Variants in SLC4A10 observed in about 807,000 individuals in gnomAD.
SLC4A10 encodes the protein solute carrier family 4 member 10.
Under a neutral mutation model 137.7 loss-of-function variants are expected in SLC4A10, and 42 were observed. That is an observed-to-expected ratio of 0.30 (90% CI 0.24 to 0.39). The LOEUF is 0.39. Ranked by LOEUF, SLC4A10 falls within the 10% of genes least tolerant of loss-of-function variation. The pLI is 1.00. For synonymous variants in SLC4A10, 474 were observed against 464.1 expected (o/e 1.02, Z -0.27); for missense variants, 925 against 1,355.0 (o/e 0.68, Z 4.98).
At chr2:161,879,028 T>C in intron 8 of SLC4A10, 103 bp from the exon 9 acceptor site, 1 of 979,584 alleles carries the variant, frequency 1.0e-6, no homozygotes, top group Non-Finnish European at 1.4e-6. Context: ...TTATTTAAAC[T>C]ATATTTATTC....
At chr2:161,655,792 T>C (rs2037429705) in intron 1 of SLC4A10, among the ~76,000 whole-genome samples, 1 of 150,956 alleles carries the variant, frequency 6.6e-6, no homozygotes, top group Non-Finnish European at 1.5e-5. Flanking sequence ...TAGCGAATTG[T>C]AGTCAACACA....
intron 3 of SLC4A10, among the ~76,000 whole-genome samples, chr2:161,830,253 T>G (rs1015344195): frequency 5.9e-5 from 9 of 152,132 alleles, no homozygotes; most frequent in Non-Finnish European, 8.8e-5. Flanking sequence ...ACATCTATTC[T>G]TATCTGATTT....
chr2:161,894,077 A>C (rs1334419310), intron 10 of SLC4A10, among the ~76,000 whole-genome samples: 1 of 152,060 alleles, frequency 6.6e-6, no homozygotes, highest in Non-Finnish European at 1.5e-5. Context: ...TAAATATAGG[A>C]GTATATGCAT....
intron 1 of SLC4A10, among the ~76,000 whole-genome samples, chr2:161,640,944 CT>C (rs1259354191): frequency 6.6e-6 from 1 of 152,042 alleles, no homozygotes; most frequent in East Asian, 1.9e-4. Context: ...TACTGAAATG[CT>C]TGTGTACCTG....
chr2:161,632,414 G>A (rs547914038), intron 1 of SLC4A10, among the ~76,000 whole-genome samples: 93 of 151,194 alleles, frequency 6.2e-4, no homozygotes, highest in African/African-American at 1.9e-3. Flanking sequence ...AAAATGAAAA[G>A]AAAAAAACCC....
chr2:161,680,636 T>C (rs1429495655), intron 1 of SLC4A10, among the ~76,000 whole-genome samples: 2 of 152,080 alleles, frequency 1.3e-5, no homozygotes, highest in African/African-American at 4.8e-5. Flanking sequence ...AAGGGAGTAA[T>C]GTGATGAAAG....
intron 3 of SLC4A10, among the ~76,000 whole-genome samples, chr2:161,827,621 T>TG (rs1330679859): frequency 6.6e-6 from 1 of 152,024 alleles, no homozygotes; most frequent in Non-Finnish European, 1.5e-5. Flanking sequence ...TGGAGTGCAG[T>TG]GGCGCGCGAT....
chr2:161,974,338 A>C (rs1186148026), intron 24 of SLC4A10, 22 bp downstream of exon 24: 5 of 1,565,848 alleles, frequency 3.2e-6, no homozygotes, highest in African/African-American at 2.7e-5. Flanking sequence ...ATTTAAAAAC[A>C]CATCAATTAA....
In SLC4A10 at chr2:161,767,127, A is replaced by G. The variant is rs1370975340; in HGVS notation, c.49-3846A>G. Among the ~76,000 whole-genome samples, 19 of 82,802 alleles carry G rather than the reference A, an allele frequency of 2.3e-4. No individual in the cohort carries two copies. In the South Asian group the frequency reaches 6.4e-3, roughly 28 times the overall value. The allele number at this position is 82,802 out of a possible 152,430, so 54.3% of individuals were successfully genotyped here. On this transcript the variant is annotated intron_variant, in intron 1 of 26. Coordinates refer to ENST00000446997, the MANE Select transcript of SLC4A10 (RefSeq NM_001178015.2). Reference sequence around the variant, plus strand: ...TATATATATATATATATATATATATATATATATATATATGTGTGTGTGTGT... The same window carrying G: ...TATATATATATATATATATATATATGTATATATATATATGTGTGTGTGTGT...
chr2:161,882,218 A>G (rs1285412723), intron 9 of SLC4A10, 139 bp from the exon 10 acceptor site: 1 of 549,884 alleles, frequency 1.8e-6, no homozygotes, highest in African/African-American at 2.0e-5. Flanking sequence ...TCAAAATAAT[A>G]ATGAACTATG....
intron 1 of SLC4A10, among the ~76,000 whole-genome samples, chr2:161,679,977 A>G (rs886834614): frequency 2.8e-4 from 42 of 152,040 alleles, no homozygotes; most frequent in African/African-American, 1.0e-3. Context: ...CCAAGTGTAC[A>G]TGCAATTTTT....
chr2:161,676,803 AG>A (rs2040322924), intron 1 of SLC4A10, among the ~76,000 whole-genome samples: 1 of 152,070 alleles, frequency 6.6e-6, no homozygotes, highest in Non-Finnish European at 1.5e-5. Context: ...TAGAAAATGC[AG>A]GGCTGCCATG....
chr2:161,769,431 A>G (rs1032673818), intron 1 of SLC4A10, among the ~76,000 whole-genome samples: 4 of 151,912 alleles, frequency 2.6e-5, no homozygotes, highest in Admixed American at 1.3e-4. Flanking sequence ...AAAGATCTAA[A>G]AGCAAAGATA....
chr2:161,693,999 A>C (rs2042248498), intron 1 of SLC4A10, among the ~76,000 whole-genome samples: 2 of 152,058 alleles, frequency 1.3e-5, no homozygotes, highest in Non-Finnish European at 2.9e-5. Context: ...AAAACTTGGC[A>C]CATTCACAAA....
At chr2:161,893,507 G>A (rs531644767) in intron 10 of SLC4A10, among the ~76,000 whole-genome samples, 1 of 151,966 alleles carries the variant, frequency 6.6e-6, no homozygotes, top group Non-Finnish European at 1.5e-5. Flanking sequence ...ACCAGCCCAG[G>A]CAACATAGCA....
intron 3 of SLC4A10, among the ~76,000 whole-genome samples, chr2:161,808,754 T>A (rs1487630808): frequency 6.6e-6 from 1 of 152,184 alleles, no homozygotes; most frequent in Non-Finnish European, 1.5e-5. Flanking sequence ...GATGTCATTC[T>A]TTTTATGGCC....
At chr2:161,696,190 G>C (rs2042481901) in intron 1 of SLC4A10, among the ~76,000 whole-genome samples, 1 of 150,958 alleles carries the variant, frequency 6.6e-6, no homozygotes. Flanking sequence ...GTGATTGTTT[G>C]CTGAGAATGA....
chr2:161,764,447 T>A (rs2050585329), intron 1 of SLC4A10, among the ~76,000 whole-genome samples: 1 of 152,040 alleles, frequency 6.6e-6, no homozygotes, highest in South Asian at 2.1e-4. Context: ...GAATTCAGAA[T>A]TGAAAATAAA....
At chr2:161,902,775 T>C (rs1467487903) in intron 12 of SLC4A10, among the ~76,000 whole-genome samples, 1 of 152,198 alleles carries the variant, frequency 6.6e-6, no homozygotes, top group Non-Finnish European at 1.5e-5. Context: ...TCATAATATG[T>C]ACATCTTTTA....
Sources: gnomAD v4.1 joint callset for allele counts (sites outside exome capture counted in the v4.1 genomes callset) on GRCh38, gnomAD v4.1.1 for gene constraint, MANE v1.5 for transcripts, NCBI Gene and HGNC (gene_info 2026-07-23, HGNC 2026-07-21) for gene names.